The following BNC2 variants were observed in gnomAD, a reference collection of about 807,000 sequenced individuals.
BNC2 encodes the protein zinc finger protein basonuclin-2.
Under a neutral mutation model 76.3 loss-of-function variants are expected in BNC2, and 20 were observed. The observed-to-expected ratio is 0.26, with a 90% confidence interval of 0.18 to 0.38. The LOEUF (loss-of-function observed/expected upper bound fraction) is 0.38. BNC2 is among the 10% of genes least tolerant of loss of function. The pLI is 1.00. For missense variants in BNC2, 1,382 were observed against 1,399.8 expected (o/e 0.99, Z 0.20); for synonymous variants, 582 against 514.8 (o/e 1.13, Z -1.77).
At chr9:16,661,582 C>A (rs1167461397) in intron 3 of BNC2, among the ~76,000 whole-genome samples, 1 of 152,110 alleles carries the variant, frequency 6.6e-6, no homozygotes, top group Non-Finnish European at 1.5e-5. Flanking sequence ...GGATTCCCTC[C>A]ATCAGAGTTC....
intron 1 of BNC2, among the ~76,000 whole-genome samples, chr9:16,743,952 T>G (rs1824924102): frequency 2.6e-5 from 2 of 75,632 alleles, no homozygotes; most frequent in Admixed American, 2.9e-4. Context: ...TCCTACAGAC[T>G]GCAGTTTGTT....
intron 5 of BNC2, among the ~76,000 whole-genome samples, chr9:16,486,868 G>C (rs1822174561): frequency 6.6e-6 from 1 of 152,118 alleles, no homozygotes; most frequent in African/African-American, 2.4e-5. Context: ...TGGGACTACA[G>C]GCACATGACA....
At position 16,436,184 on chromosome 9, in the gene BNC2, C is replaced by T; in HGVS notation, c.2010G>A (p.Met670Ile). Residue 670 changes from methionine (M) to isoleucine (I), a missense_variant, in exon 6 of 7, where the codon ATG (methionine) becomes ATA (isoleucine). Physicochemically the swap from Met to Ile is conservative, Grantham distance 10 (BLOSUM62 1). Around this residue, in one of 3 missense-constraint regions of BNC2, gnomAD observed 798 missense variants for 775.5 expected, o/e 1.03. Coordinates refer to ENST00000380672, the MANE Select transcript of BNC2 (RefSeq NM_017637.6). ...GGGAGTGACAATGATTGTCATGGCT[C>T]ATGTCATTGACCACAGCTCCACCAT... ...PNDGGAVVND[M>I]SHDNHCHSQE... 5 of 1,614,194 alleles carry T rather than the reference C, an allele frequency of 3.1e-6. No individual in the cohort carries two copies. Among genetic ancestry groups the T allele is most frequent in the Non-Finnish European group, 4.2e-6 (5 of 1,180,040 alleles).
intron 1 of BNC2, among the ~76,000 whole-genome samples, chr9:16,798,257 G>A (rs1228956032): frequency 6.6e-6 from 1 of 152,128 alleles, no homozygotes; most frequent in Non-Finnish European, 1.5e-5. Context: ...ATATATCTTT[G>A]ATGTCCCACC....
At chr9:16,733,557 AAAAAG>A (rs1372743505) in intron 2 of BNC2, among the ~76,000 whole-genome samples, 2 of 152,184 alleles carry the variant, frequency 1.3e-5, no homozygotes, top group Non-Finnish European at 2.9e-5. Flanking sequence ...CGCCCAAAAA[AAAAAG>A]AAAACTACAC....
At chr9:16,788,633 C>G (rs1826377376) in intron 1 of BNC2, among the ~76,000 whole-genome samples, 1 of 151,552 alleles carries the variant, frequency 6.6e-6, no homozygotes, top group Admixed American at 6.6e-5. Context: ...AAGGCAAGGC[C>G]TTGGGAGCAA....
chr9:16,659,145 GGC>G (rs964240860), intron 3 of BNC2, among the ~76,000 whole-genome samples: 6 of 116,532 alleles, frequency 5.1e-5, no homozygotes, highest in Admixed American at 1.5e-4. Flanking sequence ...GCAGATGGAT[GGC>G]GGGGGGGGGC....
intron 1 of BNC2, among the ~76,000 whole-genome samples, chr9:16,817,378 G>A (rs1452056131): frequency 6.6e-6 from 1 of 152,208 alleles, no homozygotes; most frequent in Non-Finnish European, 1.5e-5. Context: ...TGATGATCAT[G>A]ATGGCAATTA....
chr9:16,748,417 G>A (rs1587376686), intron 1 of BNC2, among the ~76,000 whole-genome samples: 1 of 152,208 alleles, frequency 6.6e-6, no homozygotes, highest in African/African-American at 2.4e-5. Context: ...AGAGGCTGAG[G>A]TGGGAGGGTC....
intron 5 of BNC2, among the ~76,000 whole-genome samples, chr9:16,474,522 A>G (rs559192498): frequency 2.5e-4 from 38 of 152,286 alleles, no homozygotes; most frequent in Admixed American, 5.9e-4. Context: ...TGAACCCTCA[A>G]TATTGCACCC....
chr9:16,597,798 T>C (rs1396703891), intron 3 of BNC2, among the ~76,000 whole-genome samples: 2 of 152,062 alleles, frequency 1.3e-5, no homozygotes, highest in Non-Finnish European at 2.9e-5. Context: ...CTAGTTGTGA[T>C]TTAAAATATA....
chr9:16,705,741 C>A (rs1823650227), intron 3 of BNC2, among the ~76,000 whole-genome samples: 1 of 151,678 alleles, frequency 6.6e-6, no homozygotes, highest in South Asian at 2.1e-4. Flanking sequence ...TTATTAATGA[C>A]AAAATGATTC....
At chr9:16,490,706 T>G (rs1300489531) in intron 5 of BNC2, among the ~76,000 whole-genome samples, 1 of 152,174 alleles carries the variant, frequency 6.6e-6, no homozygotes, top group African/African-American at 2.4e-5. Flanking sequence ...TGTGCTGGGT[T>G]GAAAGTATTC....
intron 3 of BNC2, among the ~76,000 whole-genome samples, chr9:16,673,248 T>C (rs527914624): frequency 6.6e-6 from 1 of 152,354 alleles, no homozygotes; most frequent in African/African-American, 2.4e-5. Context: ...CATTTATAAG[T>C]AAAACTTTCT....
chr9:16,483,386 A>G (rs1822099335), intron 5 of BNC2, among the ~76,000 whole-genome samples: 1 of 152,206 alleles, frequency 6.6e-6, no homozygotes, highest in Admixed American at 6.5e-5. Context: ...AAGACACAAG[A>G]TTCAAATACT....
rs192781236 is a variant in BNC2 at position 16,793,767 on chromosome 9, G to A, written c.4-55282C>T. Among the ~76,000 whole-genome samples, 396 of 143,796 alleles carry A rather than the reference G, an allele frequency of 2.8e-3. 2 individuals are homozygous for A. Among genetic ancestry groups the A allele is most frequent in the African/African-American group, 9.8e-3 (380 of 38,676 alleles). The allele number at this position is 143,796 out of a possible 152,430, so 94.3% of individuals were successfully genotyped here. On this transcript the variant is annotated intron_variant, in intron 1 of 6. Coordinates refer to ENST00000380672, the MANE Select transcript of BNC2 (RefSeq NM_017637.6). ...TGCAAGCTCCGCCTCCCGGGTTCACGCCATTCTCCTGCCTCAGCCTCCCGA... is the reference window on the plus strand; with the variant it reads ...TGCAAGCTCCGCCTCCCGGGTTCACACCATTCTCCTGCCTCAGCCTCCCGA...
intron 3 of BNC2, among the ~76,000 whole-genome samples, chr9:16,637,600 G>A (rs114122250): frequency 6.6e-6 from 1 of 152,218 alleles, no homozygotes; most frequent in East Asian, 1.9e-4. Flanking sequence ...TTCTGAGGCT[G>A]GCCAAAATAT....
chr9:16,597,126 CTCT>C (rs919902082), intron 3 of BNC2, among the ~76,000 whole-genome samples: 15 of 152,042 alleles, frequency 9.9e-5, no homozygotes, highest in African/African-American at 3.1e-4. Flanking sequence ...AAGCTCGGTC[CTCT>C]TAACTTTTAC....
chr9:16,523,002 G>A lies in BNC2; in HGVS notation c.669+29528C>T, dbSNP rs72700078. ...GAGTTCACTCCCACCAATCTCTCAGGTCATCATTTAATTATTCACTCAATC... is the reference window on the plus strand; with the variant it reads ...GAGTTCACTCCCACCAATCTCTCAGATCATCATTTAATTATTCACTCAATC... On this transcript the variant is annotated intron_variant, in intron 5 of 6. Transcript: ENST00000380672. 9.1e-4 allele frequency among the ~76,000 whole-genome samples: 139 copies of A among 152,246 alleles called. 3 individuals are homozygous for A. The East Asian group carries it at 0.016, about 18-fold the overall frequency.
Sources: gnomAD v4.1 joint callset for allele counts (sites outside exome capture counted in the v4.1 genomes callset) on GRCh38, gnomAD v4.1.1 for gene constraint, gnomAD v4.1.1 regional missense constraint, MANE v1.5 for transcripts, NCBI Gene and HGNC (gene_info 2026-07-23, HGNC 2026-07-21) for gene names.